The following SNX27 variants were observed in gnomAD, a reference collection of about 807,000 sequenced individuals.
SNX27 encodes sorting nexin-27.
Under a neutral mutation model 71.6 loss-of-function variants are expected in SNX27, and 22 were observed. The observed-to-expected ratio is 0.31, with a 90% CI of 0.22 to 0.44. SNX27 has a LOEUF of 0.44. Ranked by LOEUF, SNX27 falls within the 20% of genes least tolerant of loss-of-function variation. The pLI is 1.00. For synonymous variants in SNX27, 269 were observed against 277.2 expected (o/e 0.97, Z 0.29); for missense variants, 531 against 698.6 (o/e 0.76, Z 2.70).
At chr1:151,637,157 T>G (rs1668496878) in intron 1 of SNX27, among the ~76,000 whole-genome samples, 1 of 29,270 alleles carries the variant, frequency 3.4e-5, no homozygotes, top group South Asian at 5.1e-4. Flanking sequence ...GATCACGTTT[T>G]TTTTGTTTTT....
intron 1 of SNX27, among the ~76,000 whole-genome samples, chr1:151,616,960 C>A (rs1004650016): frequency 1.3e-5 from 2 of 152,062 alleles, no homozygotes; most frequent in Admixed American, 1.3e-4. Context: ...GTTACATGCC[C>A]AGGGTGATGC....
chr1:151,614,127 C>T (rs1195147054), intron 1 of SNX27: 2 of 151,520 alleles, frequency 1.3e-5, no homozygotes, highest in Admixed American at 6.6e-5. Flanking sequence ...TCTGTTTCCT[C>T]ACCTCTTCCA....
At chr1:151,621,699 A>C (rs1361563906) in intron 1 of SNX27, among the ~76,000 whole-genome samples, 2 of 152,182 alleles carry the variant, frequency 1.3e-5, no homozygotes, top group Non-Finnish European at 2.9e-5. Flanking sequence ...CGCAAATACC[A>C]CAGTACTTTT....
intron 2 of SNX27, among the ~76,000 whole-genome samples, chr1:151,654,498 G>A (rs140472749): frequency 0.01 from 1,580 of 152,060 alleles, 16 homozygotes; most frequent in Non-Finnish European, 0.015. Context: ...CTCCCCAGGG[G>A]TATAGAGTAT....
intron 1 of SNX27, chr1:151,615,651 G>T: frequency 1.0e-6 from 1 of 977,150 alleles, no homozygotes; most frequent in Non-Finnish European, 1.2e-6. Context: ...GATTATCATT[G>T]TGTGGATATA....
intron 2 of SNX27, among the ~76,000 whole-genome samples, chr1:151,657,514 G>C (rs948534677): frequency 2.6e-5 from 4 of 152,030 alleles, no homozygotes; most frequent in Non-Finnish European, 4.4e-5. Context: ...ATCAACTTTA[G>C]AGCCAGTTTA....
intron 3 of SNX27, 189 bp from the exon 4 acceptor site, chr1:151,660,609 C>T (rs925090952): frequency 1.8e-6 from 1 of 558,358 alleles, no homozygotes; most frequent in Non-Finnish European, 3.2e-6. Context: ...TTGTTCTGAT[C>T]ATATTTAGAT....
At chr1:151,625,786 A>G (rs1288467248) in intron 1 of SNX27, among the ~76,000 whole-genome samples, 4 of 144,930 alleles carry the variant, frequency 2.8e-5, no homozygotes, top group African/African-American at 7.5e-5. Context: ...TCTGTGTCCA[A>G]AAAAAAAAAA....
intron 9 of SNX27, 48 bp downstream of exon 9, chr1:151,692,632 G>C (rs1188026477): frequency 2.5e-6 from 4 of 1,586,900 alleles, no homozygotes; most frequent in Non-Finnish European, 3.4e-6. Flanking sequence ...GAGATACTTT[G>C]ATGCTCACTT....
At chr1:151,626,322 A>G (rs1257928132) in intron 1 of SNX27, among the ~76,000 whole-genome samples, 1 of 151,980 alleles carries the variant, frequency 6.6e-6, no homozygotes, top group Non-Finnish European at 1.5e-5. Flanking sequence ...TTAGAATTAA[A>G]TGAAGGTTTT....
At chr1:151,631,820 G>A (rs1668249715) in intron 1 of SNX27, among the ~76,000 whole-genome samples, 1 of 152,054 alleles carries the variant, frequency 6.6e-6, no homozygotes, top group South Asian at 2.1e-4. Flanking sequence ...CAATACGTGT[G>A]CACCACCAGG....
intron 7 of SNX27, among the ~76,000 whole-genome samples, chr1:151,673,174 A>G (rs1256423401): frequency 2.0e-5 from 3 of 151,952 alleles, no homozygotes; most frequent in Non-Finnish European, 4.4e-5. Flanking sequence ...TTTCATGATC[A>G]TTTATTTCAA....
rs557698526 is a variant in SNX27 at position 151,671,244 on chromosome 1, T to C, written c.1149+2609T>C. ...ATTCCTCCAGTTTTGTTCTTTTTTTTTTTTTTTTCCAGAGACAGGGTCTCG... is the reference window on the plus strand; with the variant it reads ...ATTCCTCCAGTTTTGTTCTTTTTTTCTTTTTTTTCCAGAGACAGGGTCTCG... On this transcript the variant is annotated intron_variant, in intron 7 of 11. Coordinates refer to ENST00000458013, the MANE Select transcript of SNX27 (RefSeq NM_001330723.2). Among the ~76,000 whole-genome samples the C allele has an allele frequency of 1.9e-3, 291 of 151,940 alleles. 2 individuals carry two copies. The highest frequency in any genetic ancestry group is 6.6e-3 in the African/African-American group (272 of 41,452).
At position 151,694,464 on chromosome 1, in the gene SNX27, C is replaced by T. The variant is rs906923655; in HGVS notation, c.*47C>T. 102 of 1,512,118 alleles carry T rather than the reference C, an allele frequency of 6.7e-5. 2 individuals carry two copies. The Admixed American group carries it at 1.8e-3, about 26-fold the overall frequency. 93.7% of individuals were successfully genotyped at this position (1,512,118 alleles called of 1,614,324 possible). On this transcript the variant is annotated 3_prime_UTR_variant, in exon 12 of 12. Coordinates refer to ENST00000458013, the MANE Select transcript of SNX27 (RefSeq NM_001330723.2). The stretch of plus-strand genomic sequence containing the variant: ...TCCCTTCACCCCCATCCTCTTACTC[C>T]TTTCATGTCCCATTTCAGACAGAGT...
chr1:151,653,716 C>T (rs1474203870), intron 2 of SNX27, among the ~76,000 whole-genome samples: 1 of 151,898 alleles, frequency 6.6e-6, no homozygotes, highest in African/African-American at 2.4e-5. Context: ...AGACAGAGTC[C>T]CACTATTTTG....
rs1671632988 is a variant in SNX27 at position 151,694,963 on chromosome 1, A to G, written c.*546A>G. ...TCTTTCTTTTGAAACAAACTTTAAA[A>G]AGGAAAAAAAAGCATTTTACAGGGA... On this transcript the variant is annotated 3_prime_UTR_variant, in exon 12 of 12. Coordinates refer to ENST00000458013, the MANE Select transcript of SNX27 (RefSeq NM_001330723.2). 6.6e-6 allele frequency: 1 copy of G among 152,614 alleles called. No homozygotes were observed. Among genetic ancestry groups the G allele is most frequent in the African/African-American group, 2.4e-5 (1 of 41,454 alleles). The allele number at this position is 152,614 out of a possible 1,614,324, so 9.5% of individuals were successfully genotyped here. A position where few individuals can be genotyped will look rare whatever the true frequency, so the allele number is the denominator to read the frequency against.
chr1:151,625,702 T>G (rs959650925), intron 1 of SNX27, among the ~76,000 whole-genome samples: 3 of 150,878 alleles, frequency 2.0e-5, no homozygotes, highest in South Asian at 4.2e-4. Context: ...GGAGAATCAC[T>G]TGAACCGGGG....
In SNX27 at chr1:151,694,523, G is replaced by A. The variant is rs1255469877; in HGVS notation, c.*106G>A. ...ACAAAAAAGAAGAGAAAAAGTTAAA[G>A]TCGTTATATTCAAAAGCCCTAAACT... On this transcript the variant is annotated 3_prime_UTR_variant, in exon 12 of 12. Transcript: ENST00000458013. 7.6e-6 allele frequency: 9 copies of A among 1,191,418 alleles called. No individual in the cohort carries two copies. The highest frequency in any genetic ancestry group is 1.0e-5 in the Non-Finnish European group (9 of 860,860). The allele number at this position is 1,191,418 out of a possible 1,614,324, so 73.8% of individuals were successfully genotyped here.
chr1:151,643,952 G>A (rs535917927), intron 2 of SNX27, among the ~76,000 whole-genome samples: 8 of 152,238 alleles, frequency 5.3e-5, no homozygotes, highest in African/African-American at 1.4e-4. Context: ...GAGCCACTGC[G>A]CCTGGCCAAT....
Sources: allele counts gnomAD v4.1 joint callset (sites outside exome capture counted in the v4.1 genomes callset), GRCh38; gene constraint gnomAD v4.1.1; transcripts MANE v1.5; gene names NCBI Gene and HGNC (gene_info 2026-07-23, HGNC 2026-07-21).